UBE2F: variants seen among roughly 807,000 people sequenced by gnomAD.
UBE2F encodes the protein NEDD8-conjugating enzyme UBE2F.
In UBE2F, 5 loss-of-function variants were observed where a neutral mutation model predicts 29.6. The observed-to-expected ratio is 0.17, with a 90% CI of 0.09 to 0.36. The LOEUF is 0.36. Ranked by LOEUF, UBE2F falls within the 10% of genes least tolerant of loss-of-function variation. The pLI, the probability that UBE2F is intolerant of heterozygous loss-of-function variation, is 1.00. For missense variants in UBE2F, 141 were observed against 228.5 expected, an observed-to-expected ratio of 0.62 and a Z score of 2.47; for synonymous variants, 66 against 81.8, an observed-to-expected ratio of 0.81 and a Z score of 1.04.
intron 2 of UBE2F, among the ~76,000 whole-genome samples, chr2:237,987,565 G>C (rs944197306): frequency 6.6e-6 from 1 of 152,146 alleles, no homozygotes; most frequent in Non-Finnish European, 1.5e-5. Flanking sequence ...CAGCTATGAG[G>C]GGGTAACTGG....
In UBE2F at chr2:237,991,609, C is replaced by CTTTCTTTTTTTTTT. The variant is rs57180067; in HGVS notation, c.149-3132_149-3131insCTTTTTTTTTTTTT. 1.1e-3 allele frequency among the ~76,000 whole-genome samples: 59 copies of CTTTCTTTTTTTTTT among 53,052 alleles called. 6 individuals are homozygous for CTTTCTTTTTTTTTT. The highest frequency in any genetic ancestry group is 2.5e-3 in the African/African-American group (36 of 14,370). The allele number at this position is 53,052 out of a possible 152,430, so 34.8% of individuals were successfully genotyped here. ...AACCTTTCTTTTCTTTTCTTTCTTT[C>CTTTCTTTTTTTTTT]TTTTTTTTTTTTTGAGACAGTCTTG... is the stretch of plus-strand genomic sequence containing the variant. On this transcript the variant is annotated intron_variant, in intron 3 of 9. Coordinates refer to ENST00000272930, the MANE Select transcript of UBE2F (RefSeq NM_080678.3).
intron 3 of UBE2F, among the ~76,000 whole-genome samples, chr2:237,990,852 G>A (rs1339736087): frequency 6.6e-6 from 1 of 152,056 alleles, no homozygotes; most frequent in Non-Finnish European, 1.5e-5. Flanking sequence ...CTGGGCTCAA[G>A]TGATCCTCCC....
chr2:237,970,028 A>G (rs567544363), intron 1 of UBE2F, among the ~76,000 whole-genome samples: 43 of 152,136 alleles, frequency 2.8e-4, no homozygotes, highest in Non-Finnish European at 6.3e-4. Context: ...CCATATTTAA[A>G]TTGTGTAATT....
chr2:237,988,844 G>A (rs2063530753), intron 3 of UBE2F, among the ~76,000 whole-genome samples: 1 of 152,150 alleles, frequency 6.6e-6, no homozygotes, highest in Non-Finnish European at 1.5e-5. Context: ...ATGTTTGAGG[G>A]GTGGCTGCAC....
chr2:238,040,456 C>A lies in UBE2F; in HGVS notation c.508-832C>A, dbSNP rs1400386096. The stretch of plus-strand genomic sequence containing the variant: ...GAACTATGGTAACTGTGCTGTGTTC[C>A]CTGGGCAGTGGGGGCTGCATGGCAT... On this transcript the variant is annotated intron_variant, in intron 9 of 9. Coordinates refer to ENST00000272930, the MANE Select transcript of UBE2F (RefSeq NM_080678.3). The surrounding 1 kb of genome is among the most constrained non-coding windows in gnomAD (Gnocchi z 4.4). 6.6e-6 allele frequency among the ~76,000 whole-genome samples: 1 copy of A among 152,084 alleles called. No individual in the cohort carries two copies. Among genetic ancestry groups the A allele is most frequent in the Non-Finnish European group, 1.5e-5 (1 of 68,002 alleles).
At chr2:237,994,109 C>CTTT (rs34177204) in intron 3 of UBE2F, among the ~76,000 whole-genome samples, 2 of 122,362 alleles carry the variant, frequency 1.6e-5, no homozygotes, top group African/African-American at 6.0e-5. Flanking sequence ...TCTTCTTCTT[C>CTTT]TTTTTTTTTT....
intron 6 of UBE2F, among the ~76,000 whole-genome samples, chr2:238,025,959 G>A (rs965715129): frequency 6.6e-5 from 10 of 152,214 alleles, no homozygotes; most frequent in Non-Finnish European, 5.9e-5. Flanking sequence ...TGGGCAGAAC[G>A]TCAGGCATCA....
At chr2:237,994,596 A>C in intron 3 of UBE2F, 148 bp from the exon 4 acceptor site, 1 of 613,342 alleles carries the variant, frequency 1.6e-6, no homozygotes. Flanking sequence ...GATTATTATC[A>C]GACAAATAGG....
At chr2:238,026,231 T>C (rs2106398244) in intron 6 of UBE2F, among the ~76,000 whole-genome samples, 1 of 152,348 alleles carries the variant, frequency 6.6e-6, no homozygotes, top group South Asian at 2.1e-4. Flanking sequence ...TGCCTCACAC[T>C]CAGCCAGTTT....
rs1402740077 is a variant in UBE2F at position 238,042,092 on chromosome 2, T to C, written c.*754T>C. On this transcript the variant is annotated 3_prime_UTR_variant, in exon 10 of 10. Coordinates refer to ENST00000272930, the MANE Select transcript of UBE2F (RefSeq NM_080678.3). ...TGTCCAAATGCAATGAGAATCTCAC[T>C]CTTAAAAATCAGCTCTTGCTTTCGG... is the stretch of plus-strand genomic sequence containing the variant. The C allele has an allele frequency of 5.9e-5, 9 of 152,364 alleles. No individual in the cohort carries two copies. The highest frequency in any genetic ancestry group is 3.3e-4 in the Admixed American group (5 of 15,280). 9.4% of individuals were successfully genotyped at this position (152,364 alleles called of 1,614,324 possible).
intron 4 of UBE2F, among the ~76,000 whole-genome samples, chr2:238,012,671 T>TA (rs1461044226): frequency 1.3e-5 from 2 of 152,326 alleles, no homozygotes; most frequent in African/African-American, 4.8e-5. Flanking sequence ...GCAAAAGTCT[T>TA]ACTTCATTTT....
intron 9 of UBE2F, among the ~76,000 whole-genome samples, chr2:238,039,307 G>C (rs2064789249): frequency 6.6e-6 from 1 of 152,164 alleles, no homozygotes; most frequent in South Asian, 2.1e-4. Flanking sequence ...AGGTGGAGAG[G>C]GGGCCACAGA....
chr2:237,995,296 T>C (rs1434959476), intron 4 of UBE2F, among the ~76,000 whole-genome samples: 1 of 152,230 alleles, frequency 6.6e-6, no homozygotes, highest in Non-Finnish European at 1.5e-5. Flanking sequence ...GACAGAAGAT[T>C]ACCAGCTGTC....
intron 4 of UBE2F, among the ~76,000 whole-genome samples, chr2:237,999,863 C>T (rs528202418): frequency 9.3e-5 from 13 of 140,478 alleles, no homozygotes; most frequent in African/African-American, 2.2e-4. Flanking sequence ...CTCACTGTGT[C>T]GCCTAGGCTG....
intron 2 of UBE2F, among the ~76,000 whole-genome samples, chr2:237,977,327 A>G (rs1014281639): frequency 2.0e-5 from 3 of 152,224 alleles, no homozygotes; most frequent in South Asian, 2.1e-4. Flanking sequence ...CAGAGTCCAA[A>G]GCACTGGCGA....
rs1018163480 is a variant in UBE2F at position 237,996,384 on chromosome 2, A to G, written c.214+1575A>G. On this transcript the variant is annotated intron_variant, in intron 4 of 9. Transcript: ENST00000272930. ...GGCTTTGTGGTCCTTGGCCACTCAA[A>G]GATGTTTGTTGATTTTTCCAGGCTC... Among the ~76,000 whole-genome samples, 5 of 151,900 alleles carry G rather than the reference A, an allele frequency of 3.3e-5. 1 individual carries two copies. The highest frequency in any genetic ancestry group is 1.2e-4 in the African/African-American group (5 of 41,308).
At chr2:237,975,648 G>T (rs1475363694) in intron 2 of UBE2F, among the ~76,000 whole-genome samples, 1 of 152,144 alleles carries the variant, frequency 6.6e-6, no homozygotes, top group Non-Finnish European at 1.5e-5. Flanking sequence ...CACTGGGTTT[G>T]TGGGGACTTA....
intron 5 of UBE2F, among the ~76,000 whole-genome samples, 188 bp downstream of exon 5, chr2:238,016,821 C>T (rs964182283): frequency 8.6e-4 from 3 of 3,492 alleles, no homozygotes; most frequent in African/African-American, 3.5e-3. Context: ...TAGAGAATTC[C>T]GTTTATTCAG....
intron 2 of UBE2F, among the ~76,000 whole-genome samples, chr2:237,977,549 C>A (rs1452721377): frequency 6.6e-6 from 1 of 152,146 alleles, no homozygotes; most frequent in East Asian, 1.9e-4. Context: ...CTTGTGGGGT[C>A]CGCCCCTAGA....
Sources: allele counts gnomAD v4.1 joint callset (sites outside exome capture counted in the v4.1 genomes callset), GRCh38; gene constraint gnomAD v4.1.1; non-coding constraint Gnocchi (gnomAD v3.1); transcripts MANE v1.5; gene names NCBI Gene and HGNC (gene_info 2026-07-23, HGNC 2026-07-21).